Variants in CREB3L3 observed in about 807,000 individuals in gnomAD.
CREB3L3 encodes the protein cAMP responsive element binding protein 3 like 3.
In CREB3L3, 40 loss-of-function variants were observed where a neutral mutation model predicts 44.6. The ratio of observed to expected loss-of-function variants is 0.90; its 90% CI spans 0.70 to 1.17. The LOEUF (loss-of-function observed/expected upper bound fraction) is 1.17, where lower values mean the gene tolerates loss of function less well. CREB3L3 is among the 50% of genes most tolerant of loss of function. The pLI, the probability that CREB3L3 is intolerant of heterozygous loss-of-function variation, is 0.00. For synonymous variants in CREB3L3, 273 were observed against 256.3 expected, an observed-to-expected ratio of 1.06 and a Z score of -0.62; for missense variants, 578 against 595.8, an observed-to-expected ratio of 0.97 and a Z score of 0.31.
intron 2 of CREB3L3, among the ~76,000 whole-genome samples, chr19:4,155,631 C>G (rs1412138589): frequency 6.6e-6 from 1 of 151,200 alleles, no homozygotes; most frequent in African/African-American, 2.4e-5. Context: ...GCTGAGATTA[C>G]AGGCGTGTGC....
Position 4,172,057 on chromosome 19 carries a change from C to A in CREB3L3, c.*88C>A. The A allele has an allele frequency of 7.5e-7, 1 of 1,342,256 alleles. No homozygotes were observed. Among genetic ancestry groups the A allele is most frequent in the Non-Finnish European group, 1.0e-6 (1 of 997,782 alleles). 83.1% of individuals were successfully genotyped at this position (1,342,256 alleles called of 1,614,324 possible). A position where few individuals can be genotyped will look rare whatever the true frequency, so the allele number is the denominator to read the frequency against. On this transcript the variant is annotated 3_prime_UTR_variant, in exon 10 of 10. Coordinates refer to ENST00000078445, the MANE Select transcript of CREB3L3 (RefSeq NM_032607.3). Reference sequence around the variant, plus strand: ...GGCAGCTACCCACCTGGGGATGGGACGTGAGGCCAAGACCCCAGCAGAGAT... The same window carrying A: ...GGCAGCTACCCACCTGGGGATGGGAAGTGAGGCCAAGACCCCAGCAGAGAT...
chr19:4,165,339 ATTTTTT>A (rs34585723), intron 5 of CREB3L3, among the ~76,000 whole-genome samples: 2 of 138,128 alleles, frequency 1.4e-5, no homozygotes, highest in Admixed American at 7.5e-5. Context: ...GGCTAATTTA[ATTTTTT>A]TTTTTTTTTT....
In CREB3L3 at chr19:4,153,705, C is replaced by G. The variant is rs1362055771; in HGVS notation, c.-43C>G. 3.7e-6 allele frequency: 6 copies of G among 1,613,082 alleles called. No individual in the cohort carries two copies. Among genetic ancestry groups the G allele is most frequent in the Non-Finnish European group, 5.1e-6 (6 of 1,179,330 alleles). On this transcript the variant is annotated 5_prime_UTR_variant, in exon 1 of 10. Transcript: ENST00000078445. ...CGGTGGGTGGGCCTCCAGCTTGGAG[C>G]AGAGACCCCCCGAGGCATCTGCAGA... is the stretch of plus-strand genomic sequence containing the variant.
At chr19:4,161,882 G>T (rs1359377034) in intron 4 of CREB3L3, among the ~76,000 whole-genome samples, 2 of 152,202 alleles carry the variant, frequency 1.3e-5, no homozygotes, top group Admixed American at 1.3e-4. Context: ...AAGAAAGAGA[G>T]CCTGCAGGGT....
Position 4,171,980 on chromosome 19 carries a change from G to A in CREB3L3, c.*11G>A, listed in dbSNP as rs781697632. ...GGAGACGAGCTGTGAGCCCCGCCAG[G>A]ACTATGCTCCCAGGCCCCTCTGCCC... On this transcript the variant is annotated 3_prime_UTR_variant, in exon 10 of 10. Transcript: ENST00000078445. The surrounding 1 kb of genome is among the most constrained non-coding windows in gnomAD (Gnocchi z 4.9). 1 of 1,577,678 alleles carries A rather than the reference G, an allele frequency of 6.3e-7. No homozygotes were observed. Among genetic ancestry groups the A allele is most frequent in the Non-Finnish European group, 8.6e-7 (1 of 1,165,256 alleles).
chr19:4,169,640 G>A (rs1026255459), intron 6 of CREB3L3, among the ~76,000 whole-genome samples: 8 of 138,734 alleles, frequency 5.8e-5, no homozygotes, highest in Non-Finnish European at 1.2e-4. Flanking sequence ...TGCCCAGGCT[G>A]GAGTGCAATG....
rs767533543 is a variant in CREB3L3, at chr19:4,171,621, C to A, written c.1073-35C>A. 1.2e-6 allele frequency: 2 copies of A among 1,611,346 alleles called. No homozygotes were observed. Among genetic ancestry groups the A allele is most frequent in the Admixed American group, 1.7e-5 (1 of 60,008 alleles). Reference sequence around the variant, plus strand: ...AAGGGAGCATAGGACCCCACCTCCACCTTGTCCCCTGTGATGCCCCCCTTC... The same window carrying A: ...AAGGGAGCATAGGACCCCACCTCCAACTTGTCCCCTGTGATGCCCCCCTTC... On this transcript the variant is annotated intron_variant, in intron 9 of 9. Coordinates refer to ENST00000078445, the MANE Select transcript of CREB3L3 (RefSeq NM_032607.3). The surrounding 1 kb of genome is among the most constrained non-coding windows in gnomAD (Gnocchi z 4.9).
Position 4,170,988 on chromosome 19 carries a change from G to T in CREB3L3, c.891-103G>T, listed in dbSNP as rs1967032572. 3.8e-6 allele frequency: 3 copies of T among 791,730 alleles called. No homozygotes were observed. In the Admixed American group the frequency reaches 5.2e-5, roughly 14 times the overall value. The allele number at this position is 791,730 out of a possible 1,614,324, so 49.0% of individuals were successfully genotyped here. On this transcript the variant is annotated intron_variant, in intron 7 of 9. Coordinates refer to ENST00000078445, the MANE Select transcript of CREB3L3 (RefSeq NM_032607.3). Reference sequence around the variant, plus strand: ...AAAGAGCCAGAGGCCCTTGAAGAATGGATGGAATTTGGACTTTAGCGGGGC... The same window carrying T: ...AAAGAGCCAGAGGCCCTTGAAGAATTGATGGAATTTGGACTTTAGCGGGGC...
At chr19:4,167,995 T>TTATTTATTTATTTATTTATC (rs1254867743) in intron 5 of CREB3L3, among the ~76,000 whole-genome samples, 6 of 150,678 alleles carry the variant, frequency 4.0e-5, no homozygotes, top group African/African-American at 1.5e-4. Flanking sequence ...ATTTATTTAT[T>TTATTTATTTATTTATTTATC]TATTTATCTA....
At chr19:4,167,997 A>ATT (rs1284446516) in intron 5 of CREB3L3, among the ~76,000 whole-genome samples, 2 of 150,050 alleles carry the variant, frequency 1.3e-5, no homozygotes, top group African/African-American at 4.9e-5. Flanking sequence ...TTATTTATTT[A>ATT]TTTATCTATT....
At position 4,166,176 on chromosome 19, in the gene CREB3L3, C is replaced by T. The variant is rs535866449; in HGVS notation, c.714+1536C>T. 9.0e-4 allele frequency among the ~76,000 whole-genome samples: 136 copies of T among 151,668 alleles called. 1 individual carries two copies. The highest frequency in any genetic ancestry group is 1.7e-3 in the Non-Finnish European group (113 of 67,926). ...TGATCTTGGCTCACTCCAACTTCCC[C>T]CTCTGGAGTACAAGTGATTCTCCCA... On this transcript the variant is annotated intron_variant, in intron 5 of 9. Coordinates refer to ENST00000078445, the MANE Select transcript of CREB3L3 (RefSeq NM_032607.3).
At position 4,170,119 on chromosome 19, in the gene CREB3L3, G is replaced by T. The variant is rs182644892; in HGVS notation, c.822-21G>T. 242 of 1,613,348 alleles carry T rather than the reference G, an allele frequency of 1.5e-4. 1 individual carries two copies. In the East Asian group the frequency reaches 5.3e-3, roughly 36 times the overall value. On this transcript the variant is annotated intron_variant, in intron 6 of 9. Coordinates refer to ENST00000078445, the MANE Select transcript of CREB3L3 (RefSeq NM_032607.3). ...TGGTGACTGGCATATGCTGAATGTC[G>T]ATGCGTCTTCCTCCTTTCAGGATGT... is the stretch of plus-strand genomic sequence containing the variant.
Position 4,164,659 on chromosome 19 carries a change from C to T in CREB3L3, c.714+19C>T, listed in dbSNP as rs1411258457. On this transcript the variant is annotated intron_variant, in intron 5 of 9. Coordinates refer to ENST00000078445, the MANE Select transcript of CREB3L3 (RefSeq NM_032607.3). ...CACTAAGGTGAGTCTGGGGGGACTT[C>T]CAGCCCTGGATCCATCTCCCCTTCG... 1.2e-6 allele frequency: 2 copies of T among 1,613,592 alleles called. No homozygotes were observed. Among genetic ancestry groups the T allele is most frequent in the South Asian group, 2.2e-5 (2 of 91,078 alleles).
chr19:4,166,196 C>A (rs1181149824), intron 5 of CREB3L3, among the ~76,000 whole-genome samples: 1 of 151,166 alleles, frequency 6.6e-6, no homozygotes, highest in Non-Finnish European at 1.5e-5. Flanking sequence ...ACAAGTGATT[C>A]TCCCACATCA....
intron 6 of CREB3L3, among the ~76,000 whole-genome samples, chr19:4,169,544 A>C (rs1966995902): frequency 6.9e-6 from 1 of 145,970 alleles, no homozygotes; most frequent in South Asian, 2.1e-4. Flanking sequence ...CTGATATTTC[A>C]TCTTCTGGAA....
Position 4,171,951 on chromosome 19 carries a change from G to A in CREB3L3, c.1368G>A (p.Ala456=), listed in dbSNP as rs1247337699. The A allele has an allele frequency of 2.5e-6, 4 of 1,602,428 alleles. No individual in the cohort carries two copies. The highest frequency in any genetic ancestry group is 2.2e-5 in the East Asian group (1 of 44,482). Residue 456 remains alanine (A), a synonymous_variant, in exon 10 of 10, where the codon GCG becomes GCA. Coordinates refer to ENST00000078445, the MANE Select transcript of CREB3L3 (RefSeq NM_032607.3). The surrounding 1 kb of genome is among the most constrained non-coding windows in gnomAD (Gnocchi z 4.9). ...GCTCAGGACGTGCAGGGCTGGAGGCGGCGGGAGACGAGCTGTGAGCCCCGC... is the reference window on the plus strand; with the variant it reads ...GCTCAGGACGTGCAGGGCTGGAGGCAGCGGGAGACGAGCTGTGAGCCCCGC... ...STGSGRAGLE[A]AGDEL is the part of the protein sequence containing the mutation.
At chr19:4,159,396 C>T (rs954199555) in intron 3 of CREB3L3, among the ~76,000 whole-genome samples, 2 of 111,508 alleles carry the variant, frequency 1.8e-5, no homozygotes, top group Non-Finnish European at 2.1e-5. Flanking sequence ...GATGATCCGC[C>T]TGCCTTGGCC....
rs747375212 is a variant in CREB3L3, at chr19:4,171,908, C to T, written c.1325C>T (p.Ala442Val). Reference protein sequence around the residue: ...LGQVALLDWVAPGPSTGSGRA... With the variant: ...LGQVALLDWVVPGPSTGSGRA... ...CAGGTCGCCCTGCTGGACTGGGTGGCGCCTGGGCCGAGCACTGGCTCAGGA... is the reference window on the plus strand; with the variant it reads ...CAGGTCGCCCTGCTGGACTGGGTGGTGCCTGGGCCGAGCACTGGCTCAGGA... Residue 442 changes from alanine (A) to valine (V), a missense_variant, in exon 10 of 10, where the codon GCG becomes GTG. By Grantham distance (64) the Ala-to-Val change is moderately conservative. Transcript: ENST00000078445. This position sits in a 1 kb window ranked among gnomAD's most constrained non-coding sequence, Gnocchi z 4.9. The T allele has an allele frequency of 1.6e-5, 25 of 1,611,898 alleles. 1 individual carries two copies. In the East Asian group the frequency reaches 2.2e-4, roughly 14 times the overall value.
At chr19:4,168,911 T>G (rs1966982494) in intron 6 of CREB3L3, among the ~76,000 whole-genome samples, 1 of 151,970 alleles carries the variant, frequency 6.6e-6, no homozygotes, top group Non-Finnish European at 1.5e-5. Flanking sequence ...TTCTTTGTAT[T>G]TTTGGTAGAG....
Sources: gnomAD v4.1 joint callset for allele counts (sites outside exome capture counted in the v4.1 genomes callset) on GRCh38, gnomAD v4.1.1 for gene constraint, Gnocchi (gnomAD v3.1) non-coding constraint, MANE v1.5 for transcripts, NCBI Gene and HGNC (gene_info 2026-07-23, HGNC 2026-07-21) for gene names.